Variants in ADCY1 observed in about 807,000 individuals in gnomAD.
ADCY1 encodes the protein adenylate cyclase 1.
A neutral mutation model predicts 105.4 loss-of-function variants in ADCY1; 28 were observed. The ratio of observed to expected loss-of-function variants is 0.27; its 90% CI spans 0.20 to 0.36. The LOEUF is 0.36. Ranked by LOEUF, ADCY1 falls within the 10% of genes least tolerant of loss-of-function variation. The probability of loss-of-function intolerance (pLI) is 1.00; values close to 1 mark genes in which losing one functional copy is unlikely to be tolerated. For missense variants in ADCY1, 977 were observed against 1,434.2 expected, an observed-to-expected ratio of 0.68 and a Z score of 5.15; for synonymous variants, 655 against 623.8, an observed-to-expected ratio of 1.05 and a Z score of -0.75.
At chr7:45,709,653 G>A (rs62457566) in intron 18 of ADCY1, among the ~76,000 whole-genome samples, 3 of 152,200 alleles carry the variant, frequency 2.0e-5, no homozygotes, top group African/African-American at 2.4e-5. Context: ...GAATTTTCTA[G>A]GACAAGCTCA....
Position 45,601,635 on chromosome 7 carries a change from G to T in ADCY1, c.789+8727G>T, listed in dbSNP as rs192479476. On this transcript the variant is annotated intron_variant, in intron 2 of 19. Transcript: ENST00000297323. The stretch of plus-strand genomic sequence containing the variant: ...GTCATGAGTCCTCATTAATAGGTGT[G>T]TAGTGAATGAATGCAATTGAGTGTG... Among the ~76,000 whole-genome samples, 32 of 152,260 alleles carry T rather than the reference G, an allele frequency of 2.1e-4. 1 individual carries two copies. The highest frequency in any genetic ancestry group is 7.7e-4 in the African/African-American group (32 of 41,540).
intron 10 of ADCY1, among the ~76,000 whole-genome samples, chr7:45,679,379 T>C (rs1784516111): frequency 6.6e-6 from 1 of 152,180 alleles, no homozygotes; most frequent in African/African-American, 2.4e-5. Context: ...TCTGGGAAAC[T>C]CTTGTCTTTC....
At chr7:45,590,885 T>A (rs1361112772) in intron 1 of ADCY1, among the ~76,000 whole-genome samples, 1 of 152,054 alleles carries the variant, frequency 6.6e-6, no homozygotes, top group East Asian at 1.9e-4. Flanking sequence ...CAGTGTGTGG[T>A]GTTTAACGTC....
rs762565350 is a variant in ADCY1, at chr7:45,703,761, C to T, written c.2718+15C>T. On this transcript the variant is annotated intron_variant, in intron 16 of 19. Transcript: ENST00000297323. This position sits in a 1 kb window ranked among gnomAD's most constrained non-coding sequence, Gnocchi z 5.9. ...ACTTTGACGAGGTGAGGCTGTGCGT[C>T]GCCATCCTGACCCCGCCTGGTTGTG... 4.0e-5 allele frequency: 62 copies of T among 1,558,366 alleles called. No individual in the cohort carries two copies. The highest frequency in any genetic ancestry group is 5.4e-5 in the African/African-American group (4 of 73,748).
Position 45,656,952 on chromosome 7 carries a change from G to A in ADCY1, c.1149-775G>A, listed in dbSNP as rs79991610. Among the ~76,000 whole-genome samples, 1,148 of 152,346 alleles carry A rather than the reference G, an allele frequency of 7.5e-3. 11 individuals carry two copies. Among genetic ancestry groups the A allele is most frequent in the African/African-American group, 0.026 (1,085 of 41,574 alleles). On this transcript the variant is annotated intron_variant, in intron 5 of 19. Coordinates refer to ENST00000297323, the MANE Select transcript of ADCY1 (RefSeq NM_021116.4). ...GCTTGTCAAAGTGAATTTAGCTGGA[G>A]CTGGGTGTATACACGAGGAAACTGA...
rs2116308406 is a variant in ADCY1 at position 45,720,638 on chromosome 7, G to C, written c.*6643G>C. 1 of 152,106 alleles carries C rather than the reference G, an allele frequency of 6.6e-6. No individual in the cohort carries two copies. The highest frequency in any genetic ancestry group is 6.5e-5 in the Admixed American group (1 of 15,286). The allele number at this position is 152,106 out of a possible 1,614,324, so 9.4% of individuals were successfully genotyped here. On this transcript the variant is annotated 3_prime_UTR_variant, in exon 20 of 20. Coordinates refer to ENST00000297323, the MANE Select transcript of ADCY1 (RefSeq NM_021116.4). ...TTTAGGCACAACTCCTTCATTCTTT[G>C]TGAAATTAGTGAGTTTCCTTCTACC...
rs115338940 is a variant in ADCY1 at position 45,596,705 on chromosome 7, C to T, written c.789+3797C>T. On this transcript the variant is annotated intron_variant, in intron 2 of 19. Coordinates refer to ENST00000297323, the MANE Select transcript of ADCY1 (RefSeq NM_021116.4). Reference sequence around the variant, plus strand: ...GCCTGTGGGCAGACTCCGAGCCTTACGCTCCCATGCACGGTGTTTGAGGGA... The same window carrying T: ...GCCTGTGGGCAGACTCCGAGCCTTATGCTCCCATGCACGGTGTTTGAGGGA... 3.1e-3 allele frequency among the ~76,000 whole-genome samples: 479 copies of T among 152,294 alleles called. 3 individuals are homozygous for T. Among genetic ancestry groups the T allele is most frequent in the Middle Eastern group, 0.017 (5 of 294 alleles).
intron 7 of ADCY1, 71 bp downstream of exon 7, chr7:45,660,254 ACTC>A: frequency 1.9e-6 from 3 of 1,572,798 alleles, no homozygotes; most frequent in Middle Eastern, 1.7e-4. Flanking sequence ...TACAGATGTG[ACTC>A]CTCCTGCTTC....
rs981881460 is a variant in ADCY1 at position 45,719,796 on chromosome 7, C to T, written c.*5801C>T. The T allele has an allele frequency of 5.9e-5, 9 of 152,308 alleles. No homozygotes were observed. Among genetic ancestry groups the T allele is most frequent in the Non-Finnish European group, 1.0e-4 (7 of 68,020 alleles). The allele number at this position is 152,308 out of a possible 1,614,324, so 9.4% of individuals were successfully genotyped here. On this transcript the variant is annotated 3_prime_UTR_variant, in exon 20 of 20. Coordinates refer to ENST00000297323, the MANE Select transcript of ADCY1 (RefSeq NM_021116.4). ...CTGCCACGCAGGGCATTTGGGGAAC[C>T]ATCCCCGAATGCCCTGATGTGATTT...
At chr7:45,650,792 A>G (rs185104192) in intron 5 of ADCY1, among the ~76,000 whole-genome samples, 1 of 152,206 alleles carries the variant, frequency 6.6e-6, no homozygotes, top group East Asian at 1.9e-4. Flanking sequence ...TTGATGGGTT[A>G]TAAGCTGTTT....
intron 18 of ADCY1, among the ~76,000 whole-genome samples, chr7:45,709,036 T>C (rs147195974): frequency 1.3e-5 from 2 of 152,320 alleles, no homozygotes; most frequent in East Asian, 3.9e-4. Flanking sequence ...TAAATTCTAC[T>C]AGTCCAGGAT....
At chr7:45,630,575 G>A (rs1415847018) in intron 4 of ADCY1, among the ~76,000 whole-genome samples, 2 of 152,104 alleles carry the variant, frequency 1.3e-5, no homozygotes, top group Non-Finnish European at 2.9e-5. Context: ...TGGCTTGTGG[G>A]CCAGTCTCCC....
intron 2 of ADCY1, among the ~76,000 whole-genome samples, chr7:45,602,318 A>C (rs1793262385): frequency 6.6e-6 from 1 of 151,996 alleles, no homozygotes; most frequent in African/African-American, 2.4e-5. Flanking sequence ...GCTGGAGAGC[A>C]CAGGGTGAGA....
intron 14 of ADCY1, among the ~76,000 whole-genome samples, chr7:45,692,955 A>G (rs1257712852): frequency 1.3e-5 from 2 of 152,246 alleles, no homozygotes; most frequent in African/African-American, 2.4e-5. Flanking sequence ...TTAGCGGGTA[A>G]TAAAGGGGTC....
Position 45,592,215 on chromosome 7 carries a change from A to G in ADCY1, c.640-544A>G, listed in dbSNP as rs542669451. ...AGACTGGGCACCTTAAACAACAGAA[A>G]TGGAGAATCTCACAGTCTGGAGGCC... On this transcript the variant is annotated intron_variant, in intron 1 of 19. Transcript: ENST00000297323. Among the ~76,000 whole-genome samples, 184 of 152,214 alleles carry G rather than the reference A, an allele frequency of 1.2e-3. 1 individual carries two copies. Among genetic ancestry groups the G allele is most frequent in the African/African-American group, 4.3e-3 (178 of 41,536 alleles).
chr7:45,659,063 C>T (rs1795019627), intron 6 of ADCY1, among the ~76,000 whole-genome samples: 1 of 152,196 alleles, frequency 6.6e-6, no homozygotes, highest in South Asian at 2.1e-4. Context: ...CCTCTGGCCC[C>T]TTTGCAGCCT....
At chr7:45,582,691 C>G (rs1792595295) in intron 1 of ADCY1, among the ~76,000 whole-genome samples, 1 of 152,188 alleles carries the variant, frequency 6.6e-6, no homozygotes. Flanking sequence ...GTGCCCTCTT[C>G]AGGCTGATCT....
chr7:45,585,917 G>A (rs1488645263), intron 1 of ADCY1, among the ~76,000 whole-genome samples: 7 of 152,118 alleles, frequency 4.6e-5, no homozygotes. Context: ...CTGAGGTTCT[G>A]GTGTTACCCT....
At position 45,626,703 on chromosome 7, in the gene ADCY1, G is replaced by T. The variant is rs571032212; in HGVS notation, c.1020+3960G>T. Reference sequence around the variant, plus strand: ...GCAACATTTGAGTTTGAGCTGAAGAGAATATTTTCTAGTTTCTAGGAACAC... The same window carrying T: ...GCAACATTTGAGTTTGAGCTGAAGATAATATTTTCTAGTTTCTAGGAACAC... On this transcript the variant is annotated intron_variant, in intron 4 of 19. Coordinates refer to ENST00000297323, the MANE Select transcript of ADCY1 (RefSeq NM_021116.4). Among the ~76,000 whole-genome samples the T allele has an allele frequency of 2.6e-5, 4 of 152,342 alleles. No homozygotes were observed. In the South Asian group the frequency reaches 8.3e-4, roughly 32 times the overall value.
Sources: allele counts gnomAD v4.1 joint callset (sites outside exome capture counted in the v4.1 genomes callset), GRCh38; gene constraint gnomAD v4.1.1; non-coding constraint Gnocchi (gnomAD v3.1); transcripts MANE v1.5; gene names NCBI Gene and HGNC (gene_info 2026-07-23, HGNC 2026-07-21).